BTBD7: variants seen among roughly 807,000 people sequenced by gnomAD.
BTBD7 encodes BTB/POZ domain-containing protein 7.
A neutral mutation model predicts 99.9 loss-of-function variants in BTBD7; 38 were observed. The observed-to-expected ratio is 0.38, with a 90% CI of 0.29 to 0.50. The LOEUF (loss-of-function observed/expected upper bound fraction) is 0.50. Among genes scored for constraint, BTBD7 ranks in the 20% least tolerant of loss-of-function variants. BTBD7 has a pLI of 0.93. For missense variants in BTBD7, 1,170 were observed against 1,394.6 expected (o/e 0.84, Z 2.57); for synonymous variants, 520 against 511.4 (o/e 1.02, Z -0.23).
intron 1 of BTBD7, among the ~76,000 whole-genome samples, chr14:93,309,474 C>T (rs2053113315): frequency 6.6e-6 from 1 of 150,482 alleles, no homozygotes; most frequent in Non-Finnish European, 1.5e-5. Context: ...AATCCCTCAT[C>T]TAGTGTGTGT....
At chr14:93,292,502 G>T (rs2052870308) in intron 3 of BTBD7, among the ~76,000 whole-genome samples, 1 of 151,966 alleles carries the variant, frequency 6.6e-6, no homozygotes, top group Admixed American at 6.6e-5. Flanking sequence ...TGACATTTTG[G>T]TTGTTGTAAT....
At chr14:93,301,718 C>T (rs981287934) in intron 1 of BTBD7, among the ~76,000 whole-genome samples, 1 of 151,996 alleles carries the variant, frequency 6.6e-6, no homozygotes, top group African/African-American at 2.4e-5. Context: ...AAAGAAAAAC[C>T]ATAATGAAAG....
At chr14:93,244,151 G>C in intron 10 of BTBD7, 1 of 474,246 alleles carries the variant, frequency 2.1e-6, no homozygotes, top group Non-Finnish European at 4.2e-6. Context: ...AGTGACTATG[G>C]TGGGCAGACT....
At chr14:93,289,896 C>T (rs116528987) in intron 3 of BTBD7, among the ~76,000 whole-genome samples, 2,266 of 140,138 alleles carry the variant, frequency 0.016, 66 homozygotes, top group African/African-American at 0.058. Context: ...CACTCAGTTG[C>T]CCAGGCTTGG....
intron 1 of BTBD7, among the ~76,000 whole-genome samples, chr14:93,303,699 A>G (rs1224183323): frequency 1.3e-5 from 2 of 152,224 alleles, no homozygotes; most frequent in Non-Finnish European, 2.9e-5. Context: ...GAAGACACAA[A>G]TGGGCCTCTC....
rs773003094 is a variant in BTBD7 at position 93,246,220 on chromosome 14, G to A, written c.2188C>T (p.Pro730Ser). ...GTACTGTTTACGCGACATCTCCCAG[G>A]CTGTCTCATTGTCAAGAGTGGACTT... Reference protein sequence around the residue: ...DESPLLTMRQPGRCRVNSTPP... With the variant: ...DESPLLTMRQSGRCRVNSTPP... The change falls in exon 10 of 11, where the codon CCT (proline) becomes TCT (serine). Residue 730 changes from proline to serine, a missense_variant. By Grantham distance (74) the Pro-to-Ser change is moderately conservative. Coordinates refer to ENST00000334746, the MANE Select transcript of BTBD7 (RefSeq NM_001002860.4). The A allele has an allele frequency of 1.3e-6, 2 of 1,597,020 alleles. No individual in the cohort carries two copies. Among genetic ancestry groups the A allele is most frequent in the Non-Finnish European group, 1.7e-6 (2 of 1,170,430 alleles).
chr14:93,291,688 AT>A (rs1158749389), intron 3 of BTBD7, among the ~76,000 whole-genome samples: 1 of 151,458 alleles, frequency 6.6e-6, no homozygotes, highest in African/African-American at 2.4e-5. Flanking sequence ...TGTACACAAG[AT>A]TTTTTTTTGC....
At chr14:93,321,801 G>GTT (rs935572666) in intron 1 of BTBD7, among the ~76,000 whole-genome samples, 6 of 151,802 alleles carry the variant, frequency 4.0e-5, no homozygotes, top group African/African-American at 1.5e-4. Context: ...TAATACAACT[G>GTT]TTTATCTTAA....
rs186280067 is a variant in BTBD7, at chr14:93,325,686, A to G, written c.-107+7134T>C. 1.1e-4 allele frequency among the ~76,000 whole-genome samples: 16 copies of G among 152,358 alleles called. No homozygotes were observed. The East Asian group carries it at 3.1e-3, about 29-fold the overall frequency. On this transcript the variant is annotated intron_variant, in intron 1 of 10. Coordinates refer to ENST00000334746, the MANE Select transcript of BTBD7 (RefSeq NM_001002860.4). Reference sequence around the variant, plus strand: ...AGGTTAAGTGACTTGCTTTAAGATCATAAAACTATAAACATCAGTCAGAAT... The same window carrying G: ...AGGTTAAGTGACTTGCTTTAAGATCGTAAAACTATAAACATCAGTCAGAAT...
At position 93,280,383 on chromosome 14, in the gene BTBD7, A is replaced by T. The variant is rs1409242930; in HGVS notation, c.1162+13475T>A. On this transcript the variant is annotated intron_variant, in intron 3 of 10. Transcript: ENST00000334746. ...AAGGAACACTGACAACGAAAACCTA[A>T]TATAAAAACCAAACAAACCACTTCA... 3.3e-5 allele frequency among the ~76,000 whole-genome samples: 5 copies of T among 152,366 alleles called. No homozygotes were observed. The South Asian group carries it at 1.0e-3, about 32-fold the overall frequency.
intron 1 of BTBD7, among the ~76,000 whole-genome samples, chr14:93,327,126 G>A (rs892554051): frequency 9.2e-5 from 14 of 152,162 alleles, no homozygotes; most frequent in Non-Finnish European, 1.8e-4. Context: ...ACACCACTGC[G>A]CTCAGCCCGC....
At chr14:93,329,843 A>C (rs2053380463) in intron 1 of BTBD7, among the ~76,000 whole-genome samples, 1 of 152,080 alleles carries the variant, frequency 6.6e-6, no homozygotes, top group African/African-American at 2.4e-5. Context: ...GCCTAAGAAA[A>C]CTCCAAATGA....
Position 93,242,827 on chromosome 14 carries a change from A to G in BTBD7, c.2845T>C (p.Ser949Pro). The change falls in exon 11 of 11, where the codon TCA (serine) becomes CCA (proline). Residue 949 changes from serine to proline, a missense_variant. Around this residue, in one of 4 missense-constraint regions of BTBD7, gnomAD observed 495 missense variants for 525.9 expected, o/e 0.94. Transcript: ENST00000334746. ...GTAGAAGGTCTGCAAGCAGCATTTG[A>G]GAAGTCATAGAAATCCGGATATTCC... Reference protein sequence around the residue: ...PQEYPDFYDFSNAACRPSTPA... With the variant: ...PQEYPDFYDFPNAACRPSTPA... The G allele has an allele frequency of 6.2e-7, 1 of 1,614,130 alleles. No individual in the cohort carries two copies. Among genetic ancestry groups the G allele is most frequent in the Non-Finnish European group, 8.5e-7 (1 of 1,180,042 alleles).
At position 93,243,102 on chromosome 14, in the gene BTBD7, CA is replaced by C; in HGVS notation, c.2584-15del. The C allele has an allele frequency of 6.3e-7, 1 of 1,593,566 alleles. No individual in the cohort carries two copies. Among genetic ancestry groups the C allele is most frequent in the Non-Finnish European group, 8.6e-7 (1 of 1,167,122 alleles). ...AGGTTGTGTTCGCTGCAGACAGAGACAAAAATGGTGGGAGGGTTAAAAAAAG... is the reference window on the plus strand; with the variant it reads ...AGGTTGTGTTCGCTGCAGACAGAGACAAAATGGTGGGAGGGTTAAAAAAAG... On this transcript the variant is annotated splice_polypyrimidine_tract_variant and intron_variant, in intron 10 of 10. Transcript: ENST00000334746.
chr14:93,283,455 G>C (rs2052743690), intron 3 of BTBD7, among the ~76,000 whole-genome samples: 1 of 152,186 alleles, frequency 6.6e-6, no homozygotes, highest in African/African-American at 2.4e-5. Context: ...GCATATTTTA[G>C]AGATATCACT....
chr14:93,241,679 C>T lies in BTBD7; in HGVS notation c.*594G>A, dbSNP rs1010243148. ...GAGGAATGAAGCCCAGCTCCTAGGA[C>T]TTATTAAAAAAAAAATGACATTAGA... On this transcript the variant is annotated 3_prime_UTR_variant, in exon 11 of 11. Transcript: ENST00000334746. 2.0e-5 allele frequency: 3 copies of T among 152,500 alleles called. No homozygotes were observed. The highest frequency in any genetic ancestry group is 4.4e-5 in the Non-Finnish European group (3 of 68,436). The allele number at this position is 152,500 out of a possible 1,614,324, so 9.4% of individuals were successfully genotyped here.
intron 6 of BTBD7, among the ~76,000 whole-genome samples, chr14:93,254,217 G>A (rs549157373): frequency 1.3e-4 from 20 of 152,160 alleles, no homozygotes; most frequent in African/African-American, 4.6e-4. Context: ...GATTACAGGC[G>A]TGAGCCACCG....
rs2053465836 is a variant in BTBD7 at position 93,332,803 on chromosome 14, C to T, written c.-107+17G>A. On this transcript the variant is annotated intron_variant, in intron 1 of 10. Coordinates refer to ENST00000334746, the MANE Select transcript of BTBD7 (RefSeq NM_001002860.4). Reference sequence around the variant, plus strand: ...AGCCTCGGCTCCACAGCCTCAGAGACACCAAGGGACACTCACCCCGGAGGC... The same window carrying T: ...AGCCTCGGCTCCACAGCCTCAGAGATACCAAGGGACACTCACCCCGGAGGC... 1 of 1,476,396 alleles carries T rather than the reference C, an allele frequency of 6.8e-7. No homozygotes were observed. The highest frequency in any genetic ancestry group is 1.7e-4 in the Middle Eastern group (1 of 5,822). 91.5% of individuals were successfully genotyped at this position (1,476,396 alleles called of 1,614,324 possible).
chr14:93,242,352 A>C lies in BTBD7; in HGVS notation c.3320T>G (p.Leu1107Trp). The change falls in exon 11 of 11, where the codon TTG becomes TGG. Residue 1107 changes from leucine to tryptophan, a missense_variant. Transcript: ENST00000334746. Reference protein sequence around the residue: ...LGHGAQRNTDLEREDSISRGR... With the variant: ...LGHGAQRNTDWEREDSISRGR... ...TCTGCTTATTGAATCTTCCCTTTCC[A>C]AATCTGTATTTCTCTGAGCTCCATG... The C allele has an allele frequency of 6.2e-7, 1 of 1,614,146 alleles. No homozygotes were observed. Among genetic ancestry groups the C allele is most frequent in the African/African-American group, 1.3e-5 (1 of 75,028 alleles).
Sources: gnomAD v4.1 joint callset for allele counts (sites outside exome capture counted in the v4.1 genomes callset) on GRCh38, gnomAD v4.1.1 for gene constraint, gnomAD v4.1.1 regional missense constraint, MANE v1.5 for transcripts, NCBI Gene and HGNC (gene_info 2026-07-23, HGNC 2026-07-21) for gene names.